The following HERC1 variants were observed in gnomAD, a reference collection of about 807,000 sequenced individuals.
The protein encoded by HERC1 is HECT and RLD domain containing E3 ubiquitin protein ligase family member 1.
Under a neutral mutation model 554.3 loss-of-function variants are expected in HERC1, and 160 were observed. That is an observed-to-expected ratio of 0.29 (90% CI 0.25 to 0.33). HERC1 has a LOEUF of 0.33. HERC1 is among the 10% of genes least tolerant of loss of function. HERC1 has a pLI of 1.00. For synonymous variants in HERC1, 2,175 were observed against 2,131.7 expected (o/e 1.02, Z -0.56); for missense variants, 4,919 against 5,918.5 (o/e 0.83, Z 5.54).
chr15:63,622,936 G>T, intron 73 of HERC1, 45 bp from the exon 74 acceptor site: 2 of 1,239,142 alleles, frequency 1.6e-6, no homozygotes, highest in Non-Finnish European at 2.3e-6. Context: ...ACAATCAAAT[G>T]CATGAAGAGA....
At chr15:63,674,241 T>C (rs1354795639) in intron 38 of HERC1, 101 bp downstream of exon 38, 1 of 1,066,164 alleles carries the variant, frequency 9.4e-7, no homozygotes, top group African/African-American at 1.6e-5. Context: ...AAAAAAATTT[T>C]TTTTTTTTTA....
intron 2 of HERC1, among the ~76,000 whole-genome samples, chr15:63,770,528 G>A (rs770785156): frequency 4.6e-5 from 7 of 152,146 alleles, no homozygotes; most frequent in South Asian, 2.1e-4. Flanking sequence ...GGTGAATGGC[G>A]TACATATGGT....
chr15:63,613,015 T>C (rs146700635), intron 76 of HERC1, among the ~76,000 whole-genome samples: 1 of 152,208 alleles, frequency 6.6e-6, no homozygotes, highest in Non-Finnish European at 1.5e-5. Context: ...AATAATTATA[T>C]CCTTTTTGTA....
intron 38 of HERC1, among the ~76,000 whole-genome samples, chr15:63,673,620 G>T (rs993560918): frequency 1.5e-4 from 7 of 47,244 alleles, no homozygotes; most frequent in Non-Finnish European, 4.4e-4. Flanking sequence ...GAGGATACAA[G>T]ATAAAACAGA....
intron 68 of HERC1, 169 bp from the exon 69 acceptor site, chr15:63,630,804 A>C: frequency 1.9e-6 from 1 of 537,670 alleles, no homozygotes; most frequent in South Asian, 4.1e-5. Flanking sequence ...GTTCTGAATA[A>C]ATAAAAAGTG....
At chr15:63,683,276 T>G (rs925535274) in intron 34 of HERC1, among the ~76,000 whole-genome samples, 5 of 152,270 alleles carry the variant, frequency 3.3e-5, no homozygotes, top group African/African-American at 1.2e-4. Flanking sequence ...ACTTACTTGC[T>G]TTTTGTCACC....
chr15:63,802,943 C>T (rs1046893359), intron 1 of HERC1, among the ~76,000 whole-genome samples: 1 of 152,196 alleles, frequency 6.6e-6, no homozygotes, highest in Non-Finnish European at 1.5e-5. Context: ...CGTGTGGTGG[C>T]TCATGCCTAT....
Position 63,775,467 on chromosome 15 carries a change from G to C in HERC1, c.157C>G (p.Gln53Glu), listed in dbSNP as rs2076085940. 6 of 1,613,900 alleles carry C rather than the reference G, an allele frequency of 3.7e-6. No homozygotes were observed. Among genetic ancestry groups the C allele is most frequent in the South Asian group, 1.1e-5 (1 of 91,088 alleles). ...SNKEVVPLPQ[Q>E]VLCLKGPQLP... ...TGTGGTCCTTTGAGGCATAAAACTT[G>C]TTGGGGCAAAGGTACTACTTCCTTA... Residue 53 changes from glutamine (Q) to glutamate (E), a missense_variant, in exon 2 of 78, where the codon CAA becomes GAA. Transcript: ENST00000443617. This position sits in a 1 kb window ranked among gnomAD's most constrained non-coding sequence, Gnocchi z 4.0.
chr15:63,803,977 C>A (rs1253426730), intron 1 of HERC1, among the ~76,000 whole-genome samples: 1 of 152,060 alleles, frequency 6.6e-6, no homozygotes, highest in Non-Finnish European at 1.5e-5. Flanking sequence ...CAGAAATAGA[C>A]CCACATATAT....
intron 43 of HERC1, 62 bp downstream of exon 43, chr15:63,664,408 C>G: frequency 2.0e-6 from 3 of 1,504,210 alleles, no homozygotes; most frequent in Non-Finnish European, 9.1e-7. Flanking sequence ...CTTTAATGTG[C>G]CTTTACATTG....
At chr15:63,732,672 C>T (rs1020664108) in intron 14 of HERC1, among the ~76,000 whole-genome samples, 1 of 152,156 alleles carries the variant, frequency 6.6e-6, no homozygotes, top group African/African-American at 2.4e-5. Context: ...AAAAATGTTC[C>T]TATTTTATTC....
chr15:63,782,285 G>A (rs1023442628), intron 1 of HERC1, among the ~76,000 whole-genome samples: 3 of 152,190 alleles, frequency 2.0e-5, no homozygotes, highest in African/African-American at 7.2e-5. Flanking sequence ...CTTGCTAAGG[G>A]CTAACGAAGC....
intron 25 of HERC1, among the ~76,000 whole-genome samples, chr15:63,706,324 GA>G (rs1052715025): frequency 5.3e-5 from 8 of 151,362 alleles, no homozygotes; most frequent in African/African-American, 1.7e-4. Flanking sequence ...GGCCAAGAGG[GA>G]AAAAAAATAG....
chr15:63,809,444 G>A (rs990373478), intron 1 of HERC1, among the ~76,000 whole-genome samples: 2 of 152,088 alleles, frequency 1.3e-5, no homozygotes, highest in African/African-American at 4.8e-5. Flanking sequence ...GAACCTCAAA[G>A]CATATAAAGA....
chr15:63,767,094 C>T (rs947493467), intron 2 of HERC1, among the ~76,000 whole-genome samples: 15 of 152,072 alleles, frequency 9.9e-5, no homozygotes, highest in South Asian at 8.3e-4. Flanking sequence ...CTCCACCTTC[C>T]GGGTTTAAGC....
At chr15:63,806,936 C>T (rs2077157564) in intron 1 of HERC1, among the ~76,000 whole-genome samples, 1 of 152,080 alleles carries the variant, frequency 6.6e-6, no homozygotes, top group African/African-American at 2.4e-5. Flanking sequence ...TTAGTAGAGA[C>T]AGGGTTTCAC....
intron 64 of HERC1, among the ~76,000 whole-genome samples, chr15:63,636,829 G>T (rs1163422144): frequency 1.3e-5 from 2 of 152,144 alleles, no homozygotes; most frequent in African/African-American, 2.4e-5. Flanking sequence ...AGGTCTCGAA[G>T]CTTGTGCAAT....
chr15:63,670,320 C>G (rs1198876346), intron 39 of HERC1, among the ~76,000 whole-genome samples: 4 of 152,128 alleles, frequency 2.6e-5, no homozygotes, highest in Non-Finnish European at 5.9e-5. Context: ...GAGGGAGAAC[C>G]CCTCTTCAGT....
intron 74 of HERC1, among the ~76,000 whole-genome samples, chr15:63,622,405 G>C (rs1426381456): frequency 1.4e-5 from 2 of 142,292 alleles, no homozygotes; most frequent in Non-Finnish European, 3.0e-5. Flanking sequence ...TCGGCTCACT[G>C]CAGCCTCTGC....
Sources: gnomAD v4.1 joint callset for allele counts (sites outside exome capture counted in the v4.1 genomes callset) on GRCh38, gnomAD v4.1.1 for gene constraint, Gnocchi (gnomAD v3.1) non-coding constraint, MANE v1.5 for transcripts, NCBI Gene and HGNC (gene_info 2026-07-23, HGNC 2026-07-21) for gene names.